Variants in INSR observed in about 807,000 individuals in gnomAD.
INSR encodes the protein insulin receptor, also known as IR.
INSR carries 67 observed loss-of-function variants against 142.6 expected under a neutral mutation model. The observed-to-expected ratio is 0.47, with a 90% CI of 0.39 to 0.58. The LOEUF is 0.58. INSR is among the 20% of genes least tolerant of loss of function. The pLI is 0.00. For missense variants in INSR, 1,248 were observed against 1,833.2 expected (o/e 0.68, Z 5.83); for synonymous variants, 756 against 743.1 (o/e 1.02, Z -0.28).
chr19:7,199,764 AC>A (rs1342074085), intron 2 of INSR, among the ~76,000 whole-genome samples: 1 of 151,286 alleles, frequency 6.6e-6, no homozygotes, highest in African/African-American at 2.4e-5. Flanking sequence ...CAGATCTGAC[AC>A]CCTCTTGGCA....
At chr19:7,176,430 G>A (rs1423184249) in intron 3 of INSR, among the ~76,000 whole-genome samples, 2 of 152,130 alleles carry the variant, frequency 1.3e-5, no homozygotes, top group African/African-American at 2.4e-5. Context: ...GTGAAACCCC[G>A]TCTCTACTAA....
chr19:7,212,139 ACG>A (rs1396839950), intron 2 of INSR, among the ~76,000 whole-genome samples: 2 of 147,374 alleles, frequency 1.4e-5, no homozygotes, highest in Admixed American at 6.6e-5. Context: ...CCCCACCCCG[ACG>A]TGTGACAACC....
intron 3 of INSR, among the ~76,000 whole-genome samples, chr19:7,178,434 T>C (rs1198172301): frequency 6.6e-6 from 1 of 152,052 alleles, no homozygotes; most frequent in African/African-American, 2.4e-5. Flanking sequence ...AAACTCTGGA[T>C]ACTGGGCCGG....
intron 17 of INSR, among the ~76,000 whole-genome samples, chr19:7,124,967 G>T (rs1972610569): frequency 6.6e-6 from 1 of 152,008 alleles, no homozygotes; most frequent in African/African-American, 2.4e-5. Context: ...GAAAATGATG[G>T]AAGATTCCGG....
At chr19:7,221,676 C>G (rs1046914752) in intron 2 of INSR, among the ~76,000 whole-genome samples, 2 of 152,046 alleles carry the variant, frequency 1.3e-5, no homozygotes, top group African/African-American at 2.4e-5. Flanking sequence ...CCACTGCACT[C>G]CAGCCTGGGC....
At chr19:7,256,623 G>A (rs1976901504) in intron 2 of INSR, among the ~76,000 whole-genome samples, 2 of 151,806 alleles carry the variant, frequency 1.3e-5, no homozygotes, top group African/African-American at 4.8e-5. Context: ...AAATTAGCCA[G>A]CATGGTGGTG....
chr19:7,193,563 C>T (rs1974658316), intron 2 of INSR, among the ~76,000 whole-genome samples: 1 of 151,766 alleles, frequency 6.6e-6, no homozygotes, highest in Admixed American at 6.6e-5. Flanking sequence ...ACACATGGGA[C>T]ATATGTCCCT....
intron 1 of INSR, among the ~76,000 whole-genome samples, chr19:7,283,544 A>G (rs940764792): frequency 1.3e-5 from 2 of 152,016 alleles, no homozygotes; most frequent in Admixed American, 1.3e-4. Flanking sequence ...GGTTCCAGCA[A>G]TTCTCCCGCC....
At chr19:7,174,117 T>C (rs562054310) in intron 4 of INSR, among the ~76,000 whole-genome samples, 1 of 148,568 alleles carries the variant, frequency 6.7e-6, no homozygotes, top group East Asian at 2.0e-4. Context: ...AACCTGGCCC[T>C]GGAAAAAAAT....
intron 19 of INSR, among the ~76,000 whole-genome samples, chr19:7,121,800 G>A (rs1002672135): frequency 6.6e-6 from 1 of 152,212 alleles, no homozygotes; most frequent in Non-Finnish European, 1.5e-5. Context: ...GGGTAAGTGA[G>A]TTTATCAATA....
In INSR at chr19:7,216,872, T is replaced by C. The variant is rs1012689440; in HGVS notation, c.653-32235A>G. 6.6e-6 allele frequency among the ~76,000 whole-genome samples: 1 copy of C among 152,052 alleles called. No individual in the cohort carries two copies. Among genetic ancestry groups the C allele is most frequent in the African/African-American group, 2.4e-5 (1 of 41,388 alleles). ...TGTTGCCTAGGCTGGAGTGCAATGG[T>C]GCAATCATGGCTCACTGCAGCCTCG... On this transcript the variant is annotated intron_variant, in intron 2 of 21. Transcript: ENST00000302850. This position sits in a 1 kb window ranked among gnomAD's most constrained non-coding sequence, Gnocchi z 4.2.
rs41352749 is a variant in INSR at position 7,267,772 on chromosome 19, G to A, written c.225C>T (p.Asp75=). ...TCATGATGAGTTTGGGGAAACTGAG[G>A]TCTCGGAAATCTTCGGGCCTCGTTT... ...MFKTRPEDFR[D]LSFPKLIMIT... The change falls in exon 2 of 22, where the codon GAC becomes GAT. Residue 75 remains aspartate (D), a synonymous_variant. Coordinates refer to ENST00000302850, the MANE Select transcript of INSR (RefSeq NM_000208.4). This position sits in a 1 kb window ranked among gnomAD's most constrained non-coding sequence, Gnocchi z 6.3. 166 of 1,614,032 alleles carry A rather than the reference G, an allele frequency of 1.0e-4. No individual in the cohort carries two copies. Among genetic ancestry groups the A allele is most frequent in the Admixed American group, 3.2e-4 (19 of 59,984 alleles).
intron 2 of INSR, among the ~76,000 whole-genome samples, chr19:7,189,915 T>C (rs920253984): frequency 6.6e-6 from 1 of 152,074 alleles, no homozygotes; most frequent in Non-Finnish European, 1.5e-5. Flanking sequence ...CTGCCCACCT[T>C]GGCCTCCCAA....
Position 7,163,164 on chromosome 19 carries a change from T to C in INSR, c.1897A>G (p.Asn633Asp), listed in dbSNP as rs1283232736. Residue 633 changes from asparagine (N) to aspartate (D), a missense_variant, in exon 9 of 22, where the codon AAC becomes GAC. This residue lies in a region of INSR where 1,069 missense variants were observed against 1,654.0 expected (regional missense o/e 0.65). Transcript: ENST00000302850. ...TTCAGAATAATCTGGGATGATGAGT[T>C]AGACACTGAGATTGGATCCAGGGGC... ...SVPLDPISVSNSSSQIILKWK... is the reference protein window; with the variant it reads ...SVPLDPISVSDSSSQIILKWK... 6.2e-7 allele frequency: 1 copy of C among 1,613,734 alleles called. No homozygotes were observed. The highest frequency in any genetic ancestry group is 8.5e-7 in the Non-Finnish European group (1 of 1,179,780).
intron 21 of INSR, among the ~76,000 whole-genome samples, chr19:7,118,324 G>A (rs1972388550): frequency 6.6e-6 from 1 of 151,770 alleles, no homozygotes; most frequent in Admixed American, 6.6e-5. Flanking sequence ...TTGTGTGTCT[G>A]TGTTTGTTTT....
Position 7,293,872 on chromosome 19 carries a change from C to T in INSR, c.20G>A (p.Arg7Gln), listed in dbSNP as rs979150286. 6.5e-6 allele frequency: 8 copies of T among 1,239,328 alleles called. No individual in the cohort carries two copies. The African/African-American group carries it at 9.5e-5, about 15-fold the overall frequency. 76.8% of individuals were successfully genotyped at this position (1,239,328 alleles called of 1,614,324 possible). A position where few individuals can be genotyped will look rare whatever the true frequency, so the allele number is the denominator to read the frequency against. ...CAGCAGCGGCGCGGCCGCCGCCCCC[C>T]GCCGGCCCCCGGTGGCCATGGCTGC... MATGGR[R>Q]GAAAAPLLVA... The change falls in exon 1 of 22, where the codon CGG (arginine) becomes CAG (glutamine). Residue 7 changes from arginine (R) to glutamine (Q), a missense_variant. Arg to Gln is a conservative substitution (Grantham distance 43, BLOSUM62 1). Coordinates refer to ENST00000302850, the MANE Select transcript of INSR (RefSeq NM_000208.4).
At chr19:7,143,213 G>A (rs751637332) in intron 11 of INSR, 123 bp from the exon 12 acceptor site, 21 of 1,062,862 alleles carry the variant, frequency 2.0e-5, no homozygotes, top group Non-Finnish European at 3.0e-5. Flanking sequence ...TGCAGCAATG[G>A]GGAACATGGA....
chr19:7,128,308 G>T lies in INSR; in HGVS notation c.2945+544C>A, dbSNP rs112039172. Among the ~76,000 whole-genome samples the T allele has an allele frequency of 7.7e-3, 1,166 of 151,254 alleles. 18 individuals carry two copies. The highest frequency in any genetic ancestry group is 0.026 in the African/African-American group (1,091 of 41,230). On this transcript the variant is annotated intron_variant, in intron 15 of 21. Coordinates refer to ENST00000302850, the MANE Select transcript of INSR (RefSeq NM_000208.4). The stretch of plus-strand genomic sequence containing the variant: ...GCTCACTGCAACCTCCGCCACCAGG[G>T]TTCAGTAATTCTCCTGCCTCAGCCT...
At chr19:7,274,958 G>GGTGGTGT in intron 1 of INSR, among the ~76,000 whole-genome samples, 1 of 151,090 alleles carries the variant, frequency 6.6e-6, no homozygotes, top group African/African-American at 2.4e-5. Flanking sequence ...AGGGTGAGCT[G>GGTGGTGT]GTGGTGTTAG....
Sources: gnomAD v4.1 joint callset for allele counts (sites outside exome capture counted in the v4.1 genomes callset) on GRCh38, gnomAD v4.1.1 for gene constraint, gnomAD v4.1.1 regional missense constraint, Gnocchi (gnomAD v3.1) non-coding constraint, MANE v1.5 for transcripts, NCBI Gene and HGNC (gene_info 2026-07-23, HGNC 2026-07-21) for gene names.